The following CTR9 variants were observed in gnomAD, a reference collection of about 807,000 sequenced individuals.
The protein encoded by CTR9 is CTR9 component of Paf1/RNA polymerase II complex.
CTR9 carries 41 observed loss-of-function variants against 152.1 expected under a neutral mutation model. The ratio of observed to expected loss-of-function variants is 0.27; its 90% CI spans 0.21 to 0.35. The LOEUF is 0.35. CTR9 is among the 10% of genes least tolerant of loss of function. The pLI is 1.00. For synonymous variants in CTR9, 476 were observed against 496.2 expected (o/e 0.96, Z 0.54); for missense variants, 917 against 1,424.4 (o/e 0.64, Z 5.73).
chr11:10,774,433 T>C (rs562792681), intron 22 of CTR9: 2 of 274,472 alleles, frequency 7.3e-6, no homozygotes, highest in South Asian at 1.8e-4. Context: ...TAAATATTTA[T>C]TGGAAAACAT....
At position 10,754,976 on chromosome 11, in the gene CTR9, G is replaced by A; in HGVS notation, c.163G>A (p.Gly55Arg). Residue 55 changes from glycine to arginine, a missense_variant, in exon 3 of 25, where the codon GGA (glycine) becomes AGA (arginine). Coordinates refer to ENST00000361367, the MANE Select transcript of CTR9 (RefSeq NM_014633.5). ...CTTATAGCTGGAATACTACAAGCAA[G>A]GAAAAACAGAAGAGTTTGTAAAATT... ...IALALEYYKQGKTEEFVKLLE... is the reference protein window; with the variant it reads ...IALALEYYKQRKTEEFVKLLE... 1 of 1,613,624 alleles carries A rather than the reference G, an allele frequency of 6.2e-7. No homozygotes were observed. The highest frequency in any genetic ancestry group is 8.5e-7 in the Non-Finnish European group (1 of 1,179,810).
At chr11:10,756,695 A>G in intron 4 of CTR9, 54 bp from the exon 5 acceptor site, 2 of 1,268,386 alleles carry the variant, frequency 1.6e-6, no homozygotes, top group Non-Finnish European at 2.3e-6. Flanking sequence ...GTAAAACATA[A>G]TAGACTTGTA....
chr11:10,776,971 GAAAAAA>G (rs11326865), intron 24 of CTR9, among the ~76,000 whole-genome samples: 16 of 63,252 alleles, frequency 2.5e-4, no homozygotes, highest in East Asian at 1.9e-3. Flanking sequence ...AGACTCTTGT[GAAAAAA>G]AAAAAAAAAA....
At chr11:10,773,462 C>T (rs1210966395) in intron 21 of CTR9, among the ~76,000 whole-genome samples, 189 bp downstream of exon 21, 2 of 152,164 alleles carry the variant, frequency 1.3e-5, no homozygotes, top group African/African-American at 4.8e-5. Flanking sequence ...CCAAGGTTTG[C>T]TAAGTGTATT....
intron 20 of CTR9, among the ~76,000 whole-genome samples, chr11:10,772,880 A>C (rs1465710198): frequency 6.6e-6 from 1 of 152,040 alleles, no homozygotes; most frequent in East Asian, 1.9e-4. Context: ...TACAAAAATT[A>C]GCCAGGAGTG....
chr11:10,757,955 A>G (rs902513581), intron 5 of CTR9, among the ~76,000 whole-genome samples: 3 of 152,238 alleles, frequency 2.0e-5, no homozygotes, highest in Non-Finnish European at 2.9e-5. Context: ...AGCCATGCAG[A>G]TATATAGGAG....
In CTR9 at chr11:10,751,284, C is replaced by A; in HGVS notation, c.-129C>A. The A allele has an allele frequency of 1.0e-6, 1 of 980,410 alleles. No homozygotes were observed. The highest frequency in any genetic ancestry group is 2.5e-5 in the East Asian group (1 of 40,286). 60.7% of individuals were successfully genotyped at this position (980,410 alleles called of 1,614,324 possible). On this transcript the variant is annotated 5_prime_UTR_variant, in exon 1 of 25. Coordinates refer to ENST00000361367, the MANE Select transcript of CTR9 (RefSeq NM_014633.5). ...CTGACGGGAAGGAGAAGCCAGAGCT[C>A]CAGCGGCGCCGCGGGGCGGCAGTCA...
rs1442347313 is a variant in CTR9, at chr11:10,772,536, C to T, written c.2461C>T (p.Leu821=). The stretch of plus-strand genomic sequence containing the variant: ...ATGTTCTAGGCAGTGTTCTGACTTA[C>T]TGAGCCAGGCCCAGTACCATGTGGC... The part of the protein sequence containing the change: ...ATEARQCSDL[L]SQAQYHVARA... The change falls in exon 20 of 25, where the codon CTG becomes TTG. Residue 821 remains leucine, a synonymous_variant. Coordinates refer to ENST00000361367, the MANE Select transcript of CTR9 (RefSeq NM_014633.5). 9.0e-6 allele frequency: 14 copies of T among 1,561,630 alleles called. No homozygotes were observed. Among genetic ancestry groups the T allele is most frequent in the Non-Finnish European group, 1.2e-5 (14 of 1,156,160 alleles).
chr11:10,767,672 A>G lies in CTR9; in HGVS notation c.1687-134A>G, dbSNP rs1464041632. 2 of 791,984 alleles carry G rather than the reference A, an allele frequency of 2.5e-6. No homozygotes were observed. Among genetic ancestry groups the G allele is most frequent in the African/African-American group, 1.7e-5 (1 of 57,434 alleles). 49.1% of individuals were successfully genotyped at this position (791,984 alleles called of 1,614,324 possible). A position where few individuals can be genotyped will look rare whatever the true frequency, so the allele number is the denominator to read the frequency against. On this transcript the variant is annotated intron_variant, in intron 13 of 24. Transcript: ENST00000361367. This position sits in a 1 kb window ranked among gnomAD's most constrained non-coding sequence, Gnocchi z 4.0. ...GGATTGCCATGCAAAAAAAAAAAGA[A>G]AGAAAGAAAAGAAAGAAAACCACTG...
At chr11:10,778,395 T>G (rs774279132) in intron 24 of CTR9, among the ~76,000 whole-genome samples, 38 of 152,208 alleles carry the variant, frequency 2.5e-4, no homozygotes, top group Non-Finnish European at 3.4e-4. Context: ...AATGCTTCAT[T>G]CTGATGAAAA....
chr11:10,767,718 C>G lies in CTR9; in HGVS notation c.1687-88C>G. On this transcript the variant is annotated intron_variant, in intron 13 of 24. Coordinates refer to ENST00000361367, the MANE Select transcript of CTR9 (RefSeq NM_014633.5). This position sits in a 1 kb window ranked among gnomAD's most constrained non-coding sequence, Gnocchi z 4.0. ...CACTGTTGTAATATAGTTTGTAAAC[C>G]TCTTCAGTAATCAGCTATTGTGGGA... 8.7e-7 allele frequency: 1 copy of G among 1,146,346 alleles called. No individual in the cohort carries two copies. The highest frequency in any genetic ancestry group is 1.6e-5 in the African/African-American group (1 of 64,510). 71.0% of individuals were successfully genotyped at this position (1,146,346 alleles called of 1,614,324 possible).
intron 19 of CTR9, 70 bp downstream of exon 19, chr11:10,771,686 A>G: frequency 9.4e-7 from 1 of 1,059,554 alleles, no homozygotes; most frequent in African/African-American, 1.6e-5. Flanking sequence ...GGAAAGTGCC[A>G]CAGTAGGGAA....
At chr11:10,755,267 T>C in intron 3 of CTR9, 70 bp downstream of exon 3, 2 of 1,508,462 alleles carry the variant, frequency 1.3e-6, no homozygotes, top group Admixed American at 4.4e-5. Flanking sequence ...ATGTGTGTGA[T>C]AGCAGATTTT....
intron 24 of CTR9, among the ~76,000 whole-genome samples, chr11:10,777,024 C>G (rs1392421986): frequency 7.2e-6 from 1 of 139,448 alleles, no homozygotes; most frequent in African/African-American, 2.6e-5. Flanking sequence ...ATTAATGTAT[C>G]ATGTAAATTT....
At position 10,770,565 on chromosome 11, in the gene CTR9, C is replaced by T; in HGVS notation, c.2305C>T (p.Leu769=). The change falls in exon 18 of 25, where the codon CTG becomes TTG. Residue 769 remains leucine, a synonymous_variant. Transcript: ENST00000361367. The part of the protein sequence containing the change: ...LVLQRLATSV[L]KDEKSNLKEV... The stretch of plus-strand genomic sequence containing the variant: ...CCTGCAAAGATTAGCTACCTCTGTC[C>T]TGAAAGATGAAAAAAGTAATCTGAA... 1 of 1,613,906 alleles carries T rather than the reference C, an allele frequency of 6.2e-7. No individual in the cohort carries two copies.
chr11:10,772,419 G>C, intron 19 of CTR9, 101 bp from the exon 20 acceptor site: 3 of 1,005,750 alleles, frequency 3.0e-6, no homozygotes, highest in Non-Finnish European at 4.0e-6. Context: ...TCAGCTAATG[G>C]TCCTGCTTCA....
rs754545267 is a variant in CTR9, at chr11:10,760,174, G to C, written c.594G>C (p.Ala198=). ...KALRTNPGCP[A]EVRLGMGHCF... The stretch of plus-strand genomic sequence containing the variant: ...AGATTGAATGACTTCATTTTATAGC[G>C]GAAGTTCGTTTAGGAATGGGTCATT... The change falls in exon 6 of 25, where the codon GCG becomes GCC. Residue 198 remains alanine, a splice_region_variant and synonymous_variant. Coordinates refer to ENST00000361367, the MANE Select transcript of CTR9 (RefSeq NM_014633.5). 6.2e-7 allele frequency: 1 copy of C among 1,612,694 alleles called. No homozygotes were observed. Among genetic ancestry groups the C allele is most frequent in the South Asian group, 1.1e-5 (1 of 90,888 alleles).
At chr11:10,763,308 G>T (rs5025113) in intron 7 of CTR9, 123 bp from the exon 8 acceptor site, 5 of 702,366 alleles carry the variant, frequency 7.1e-6, no homozygotes, top group Non-Finnish European at 1.2e-5. Context: ...GCACTGAAAG[G>T]CAACTATTTA....
chr11:10,767,995 A>G lies in CTR9; in HGVS notation c.1872+4A>G, dbSNP rs771141189. 3 of 1,613,686 alleles carry G rather than the reference A, an allele frequency of 1.9e-6. No individual in the cohort carries two copies. In the South Asian group the frequency reaches 3.3e-5, roughly 18 times the overall value. ...GCCCACCCGAGATCGAGAAAAGGTA[A>G]TCTCTTTTTGTCCTTTTAAACAAAA... On this transcript the variant is annotated splice_donor_region_variant and intron_variant, in intron 14 of 24. Transcript: ENST00000361367. This position sits in a 1 kb window ranked among gnomAD's most constrained non-coding sequence, Gnocchi z 4.0.
Sources: allele counts gnomAD v4.1 joint callset (sites outside exome capture counted in the v4.1 genomes callset), GRCh38; gene constraint gnomAD v4.1.1; non-coding constraint Gnocchi (gnomAD v3.1); transcripts MANE v1.5; gene names NCBI Gene and HGNC (gene_info 2026-07-23, HGNC 2026-07-21).